The following ITGA1 variants were observed in gnomAD, a reference collection of about 807,000 sequenced individuals.
ITGA1 encodes the protein integrin subunit alpha 1.
Under a neutral mutation model 145.9 loss-of-function variants are expected in ITGA1, and 85 were observed. The ratio of observed to expected loss-of-function variants is 0.58; its 90% CI spans 0.49 to 0.70. ITGA1 has a LOEUF of 0.70. ITGA1 is among the 30% of genes least tolerant of loss of function. The pLI is 0.00. For missense variants in ITGA1, 1,351 were observed against 1,418.7 expected (o/e 0.95, Z 0.77); for synonymous variants, 520 against 495.3 (o/e 1.05, Z -0.66).
chr5:52,884,126 C>T (rs754453536), intron 7 of ITGA1, among the ~76,000 whole-genome samples: 14 of 152,054 alleles, frequency 9.2e-5, no homozygotes, highest in Admixed American at 7.9e-4. Flanking sequence ...CGTCTGTTTT[C>T]ACCTTTGTTT....
intron 26 of ITGA1, 151 bp downstream of exon 26, chr5:52,940,095 C>T: frequency 1.6e-6 from 1 of 636,268 alleles, no homozygotes; most frequent in Non-Finnish European, 2.8e-6. Context: ...TCTACTTAAC[C>T]AGCTATGTGT....
intron 1 of ITGA1, among the ~76,000 whole-genome samples, chr5:52,823,371 A>AT (rs1273053229): frequency 1.3e-5 from 2 of 151,956 alleles, no homozygotes; most frequent in Admixed American, 6.6e-5. Context: ...TGCCCAGCTA[A>AT]TTTTTGTATT....
chr5:52,816,809 A>G (rs781310414), intron 1 of ITGA1, among the ~76,000 whole-genome samples: 1 of 152,224 alleles, frequency 6.6e-6, no homozygotes, highest in Non-Finnish European at 1.5e-5. Context: ...AGTAGTGAGT[A>G]TATTCCCCTC....
Position 52,952,506 on chromosome 5 carries a change from G to A in ITGA1, c.*55G>A, listed in dbSNP as rs563576387. On this transcript the variant is annotated 3_prime_UTR_variant, in exon 29 of 29. Coordinates refer to ENST00000282588, the MANE Select transcript of ITGA1 (RefSeq NM_181501.2). ...TATTCAATAATCTATCCTCAGGTTT[G>A]CCTCAAATATGTGACAAGAAATGTA... 34 of 808,536 alleles carry A rather than the reference G, an allele frequency of 4.2e-5. No homozygotes were observed. Among genetic ancestry groups the A allele is most frequent in the Middle Eastern group, 2.4e-4 (1 of 4,126 alleles). 50.1% of individuals were successfully genotyped at this position (808,536 alleles called of 1,614,324 possible).
At chr5:52,868,657 A>T (rs952715122) in intron 6 of ITGA1, among the ~76,000 whole-genome samples, 8 of 152,192 alleles carry the variant, frequency 5.3e-5, no homozygotes, top group African/African-American at 1.9e-4. Context: ...AGTGAATGGG[A>T]GGAAAATGAA....
chr5:52,928,666 A>G (rs1278121066), intron 20 of ITGA1, among the ~76,000 whole-genome samples: 2 of 152,168 alleles, frequency 1.3e-5, no homozygotes, highest in African/African-American at 4.8e-5. Context: ...TTGAATTTCC[A>G]AATATCAATT....
At chr5:52,935,493 C>A (rs1750952213) in intron 23 of ITGA1, among the ~76,000 whole-genome samples, 1 of 152,094 alleles carries the variant, frequency 6.6e-6, no homozygotes, top group Admixed American at 6.6e-5. Flanking sequence ...GAGTAAGAAA[C>A]CATAATGCTG....
chr5:52,854,352 T>G (rs1465174731), intron 2 of ITGA1, among the ~76,000 whole-genome samples: 3 of 152,192 alleles, frequency 2.0e-5, no homozygotes, highest in African/African-American at 7.2e-5. Context: ...GTAACAGATT[T>G]TAATATGCTT....
In ITGA1 at chr5:52,957,445, T is replaced by A. The variant is rs1362318496; in HGVS notation, c.*4994T>A. The A allele has an allele frequency of 6.6e-6, 1 of 152,152 alleles. No individual in the cohort carries two copies. The highest frequency in any genetic ancestry group is 2.4e-5 in the African/African-American group (1 of 41,430). 9.4% of individuals were successfully genotyped at this position (152,152 alleles called of 1,614,324 possible). On this transcript the variant is annotated 3_prime_UTR_variant, in exon 29 of 29. Coordinates refer to ENST00000282588, the MANE Select transcript of ITGA1 (RefSeq NM_181501.2). Reference sequence around the variant, plus strand: ...TGGACTCCTTGCTTTGAGATCGGTATTTTTTTCTCTCTCTTTACATATAGC... The same window carrying A: ...TGGACTCCTTGCTTTGAGATCGGTAATTTTTTCTCTCTCTTTACATATAGC...
intron 8 of ITGA1, among the ~76,000 whole-genome samples, chr5:52,890,501 G>A (rs1207972277): frequency 1.3e-5 from 2 of 152,152 alleles, no homozygotes; most frequent in Non-Finnish European, 2.9e-5. Flanking sequence ...TGACAATTAC[G>A]TGCACCCACA....
At chr5:52,800,238 A>G (rs1748435236) in intron 1 of ITGA1, 4 of 685,410 alleles carry the variant, frequency 5.8e-6, no homozygotes, top group Non-Finnish European at 9.9e-6. Flanking sequence ...CCTAGGCTGC[A>G]TGAGTCGAAG....
chr5:52,856,119 C>T (rs987634582), intron 2 of ITGA1, among the ~76,000 whole-genome samples: 1 of 152,140 alleles, frequency 6.6e-6, no homozygotes, highest in East Asian at 1.9e-4. Flanking sequence ...AGACCTTTTC[C>T]TCCAGAGCCA....
chr5:52,889,132 G>C lies in ITGA1; in HGVS notation c.924+1167G>C, dbSNP rs566258506. The stretch of plus-strand genomic sequence containing the variant: ...CATTTTTTTTTTTAAATGGAGTCTC[G>C]CTCTGTCACCCAGGCTGGAGTGAAG... On this transcript the variant is annotated intron_variant, in intron 8 of 28. Coordinates refer to ENST00000282588, the MANE Select transcript of ITGA1 (RefSeq NM_181501.2). Among the ~76,000 whole-genome samples, 10 of 150,896 alleles carry C rather than the reference G, an allele frequency of 6.6e-5. No homozygotes were observed. In the South Asian group the frequency reaches 1.3e-3, roughly 19 times the overall value.
chr5:52,887,394 A>G (rs76141378), intron 7 of ITGA1, among the ~76,000 whole-genome samples: 3,834 of 152,134 alleles, frequency 0.025, 186 homozygotes, highest in African/African-American at 0.089. Flanking sequence ...GGGAAGCAAA[A>G]TCTCAAGCAA....
intron 1 of ITGA1, among the ~76,000 whole-genome samples, chr5:52,806,334 T>C (rs1387091716): frequency 6.6e-6 from 1 of 151,790 alleles, no homozygotes; most frequent in Non-Finnish European, 1.5e-5. Flanking sequence ...ATGCAGCTAA[T>C]GAAGCTGTTA....
At chr5:52,907,738 A>G (rs1750434035) in intron 12 of ITGA1, among the ~76,000 whole-genome samples, 1 of 152,164 alleles carries the variant, frequency 6.6e-6, no homozygotes, top group East Asian at 1.9e-4. Context: ...AAACACAGGA[A>G]GTGGTGGGAA....
chr5:52,830,327 A>G (rs1749039129), intron 1 of ITGA1, among the ~76,000 whole-genome samples: 1 of 152,074 alleles, frequency 6.6e-6, no homozygotes, highest in South Asian at 2.1e-4. Context: ...TGAGGCTTTA[A>G]TTCAGTACAT....
chr5:52,881,612 C>T (rs1211233944), intron 6 of ITGA1, among the ~76,000 whole-genome samples: 1 of 152,198 alleles, frequency 6.6e-6, no homozygotes, highest in Non-Finnish European at 1.5e-5. Flanking sequence ...CAAGGCCTAC[C>T]AGAGTTACTC....
At position 52,865,027 on chromosome 5, in the gene ITGA1, C is replaced by A; in HGVS notation, c.441C>A (p.Ile147=). 1 of 1,613,882 alleles carries A rather than the reference C, an allele frequency of 6.2e-7. No homozygotes were observed. ...RCGHLHYTTG[I]CSDVSPTFQV... ...GACATTTGCATTACACAACTGGAAT[C>A]TGTTCTGACGTCAGCCCCACATTTC... The change falls in exon 5 of 29, where the codon ATC becomes ATA. Residue 147 remains isoleucine, a synonymous_variant. Transcript: ENST00000282588.
Sources: gnomAD v4.1 joint callset for allele counts (sites outside exome capture counted in the v4.1 genomes callset) on GRCh38, gnomAD v4.1.1 for gene constraint, MANE v1.5 for transcripts, NCBI Gene and HGNC (gene_info 2026-07-23, HGNC 2026-07-21) for gene names.